Variants in ABCC2 observed in about 807,000 individuals in gnomAD.
ABCC2 encodes the protein ATP-binding cassette sub-family C member 2.
ABCC2 carries 157 observed loss-of-function variants against 173.4 expected under a neutral mutation model. The observed-to-expected ratio is 0.91, with a 90% confidence interval of 0.80 to 1.03. The LOEUF (loss-of-function observed/expected upper bound fraction) is 1.03. ABCC2 is among the 50% of genes least tolerant of loss of function. The pLI is 0.00. For missense variants in ABCC2, 1,822 were observed against 1,852.3 expected, an observed-to-expected ratio of 0.98 and a Z score of 0.30; for synonymous variants, 657 against 693.5, an observed-to-expected ratio of 0.95 and a Z score of 0.83.
At position 99,807,489 on chromosome 10, in the gene ABCC2, G is replaced by A. The variant is rs1479160110; in HGVS notation, c.1636G>A (p.Val546Ile). The A allele has an allele frequency of 6.2e-7, 1 of 1,614,162 alleles. No homozygotes were observed. Among genetic ancestry groups the A allele is most frequent in the Admixed American group, 1.7e-5 (1 of 60,018 alleles). Reference protein sequence around the residue: ...LLAFSQLQCVVIFVFQLTPVL... With the variant: ...LLAFSQLQCVIIFVFQLTPVL... ...GGCCTTTAGTCAACTACAGTGTGTA[G>A]TAATATTCGTCTTCCAGTTAACTCC... Residue 546 changes from valine to isoleucine, a missense_variant, in exon 12 of 32, where the codon GTA becomes ATA. Val to Ile is a conservative substitution (Grantham distance 29). Coordinates refer to ENST00000647814, the MANE Select transcript of ABCC2 (RefSeq NM_000392.5).
At position 99,819,167 on chromosome 10, in the gene ABCC2, G is replaced by C; in HGVS notation, c.2518G>C (p.Val840Leu). ...TGTAGTTCTGGGGAATGGAACAATT[G>C]TAGAGAAAGGATCCTACAGTGCTCT... ...EIVVLGNGTI[V>L]EKGSYSALLA... is the part of the protein sequence containing the mutation. The change falls in exon 19 of 32, where the codon GTA becomes CTA. Residue 840 changes from valine (V) to leucine (L), a missense_variant. By Grantham distance (32) the Val-to-Leu change is conservative. Transcript: ENST00000647814. The C allele has an allele frequency of 6.2e-7, 1 of 1,614,180 alleles. No homozygotes were observed. The highest frequency in any genetic ancestry group is 8.5e-7 in the Non-Finnish European group (1 of 1,180,018).
At chr10:99,834,227 T>G (rs1477998911) in intron 23 of ABCC2, among the ~76,000 whole-genome samples, 153 bp from the exon 24 acceptor site, 2 of 152,184 alleles carry the variant, frequency 1.3e-5, no homozygotes, top group African/African-American at 4.8e-5. Context: ...GGGCAAGCAA[T>G]GCAGCCTATT....
At chr10:99,843,720 C>G in intron 26 of ABCC2, 79 bp from the exon 27 acceptor site, 1 of 1,226,412 alleles carries the variant, frequency 8.2e-7, no homozygotes, top group Non-Finnish European at 1.2e-6. Flanking sequence ...AAAGTCGGCA[C>G]TGGATTGTCC....
At chr10:99,831,884 C>A in intron 22 of ABCC2, 54 bp downstream of exon 22, 1 of 1,613,106 alleles carries the variant, frequency 6.2e-7, no homozygotes, top group Non-Finnish European at 8.5e-7. Context: ...CTGTACTTTT[C>A]CTGGACTCAG....
chr10:99,835,626 T>G (rs377090042), intron 24 of ABCC2, among the ~76,000 whole-genome samples: 102 of 152,104 alleles, frequency 6.7e-4, no homozygotes, highest in African/African-American at 2.0e-3. Context: ...TTGAACAGAT[T>G]CTTCCCTTTT....
chr10:99,787,997 G>A (rs115811736), intron 2 of ABCC2, among the ~76,000 whole-genome samples: 1,562 of 152,076 alleles, frequency 0.01, 27 homozygotes, highest in African/African-American at 0.037. Flanking sequence ...GTTCAAGGAG[G>A]TCAAGGCTGC....
chr10:99,822,046 G>A (rs2038548224), intron 19 of ABCC2, among the ~76,000 whole-genome samples: 1 of 152,046 alleles, frequency 6.6e-6, no homozygotes, highest in South Asian at 2.1e-4. Context: ...TTCTTCCTCA[G>A]GTTTGGCAGG....
intron 12 of ABCC2, 43 bp from the exon 13 acceptor site, chr10:99,808,040 G>A (rs376339043): frequency 6.2e-7 from 1 of 1,609,320 alleles, no homozygotes; most frequent in African/African-American, 1.3e-5. Flanking sequence ...ATGCTGCTTG[G>A]TCCCTTTTAG....
intron 7 of ABCC2, chr10:99,798,127 A>G (rs1480125796): frequency 1.3e-5 from 2 of 152,408 alleles, no homozygotes; most frequent in African/African-American, 4.8e-5. Flanking sequence ...CCAGCGGAAG[A>G]TTTTGAGCAG....
chr10:99,797,172 G>A lies in ABCC2; in HGVS notation c.708G>A (p.Lys236=). 6.2e-7 allele frequency: 1 copy of A among 1,614,150 alleles called. No individual in the cohort carries two copies. Among genetic ancestry groups the A allele is most frequent in the Non-Finnish European group, 8.5e-7 (1 of 1,180,006 alleles). The stretch of plus-strand genomic sequence containing the variant: ...AAGTTGATGAAGAGATGAAAACCAA[G>A]ACATTAGTGAGCAAGTTTGAAACGC... The part of the protein sequence containing the change: ...VWEVDEEMKT[K]TLVSKFETHM... Residue 236 remains lysine, a synonymous_variant, in exon 7 of 32, where the codon AAG becomes AAA. Transcript: ENST00000647814.
In ABCC2 at chr10:99,804,235, A is replaced by G; in HGVS notation, c.1426A>G (p.Ile476Val). ...TGGGGTGATGGTGCTTGTAATCCCA[A>G]TTAATGCGATACTGTCCACCAAGAG... ...GVGVMVLVIP[I>V]NAILSTKSKT... Residue 476 changes from isoleucine (I) to valine (V), a missense_variant, in exon 10 of 32, where the codon ATT becomes GTT. By Grantham distance (29) the Ile-to-Val change is conservative. Coordinates refer to ENST00000647814, the MANE Select transcript of ABCC2 (RefSeq NM_000392.5). 3.7e-6 allele frequency: 6 copies of G among 1,614,126 alleles called. No individual in the cohort carries two copies. The East Asian group carries it at 8.9e-5, about 24-fold the overall frequency.
intron 9 of ABCC2, among the ~76,000 whole-genome samples, chr10:99,803,798 A>T (rs912233321): frequency 3.9e-5 from 6 of 152,282 alleles, no homozygotes; most frequent in East Asian, 1.9e-4. Context: ...AAGTGTGTGG[A>T]TGGGTAGAGT....
Position 99,852,512 on chromosome 10 carries a change from A to C in ABCC2, c.*881A>C, listed in dbSNP as rs1267521759. On this transcript the variant is annotated 3_prime_UTR_variant, in exon 32 of 32. Transcript: ENST00000647814. ...TTATCTGTTGTTTCTGTTGGTTTTT[A>C]CTCATGGTATTTTATTTCCTTGTAT... Among the ~76,000 whole-genome samples, 1 of 151,934 alleles carries C rather than the reference A, an allele frequency of 6.6e-6. No individual in the cohort carries two copies. The highest frequency in any genetic ancestry group is 1.5e-5 in the Non-Finnish European group (1 of 67,978).
chr10:99,842,140 T>C, intron 26 of ABCC2, 47 bp downstream of exon 26: 8 of 1,611,934 alleles, frequency 5.0e-6, no homozygotes, highest in Non-Finnish European at 6.8e-6. Context: ...TGCTTATTCT[T>C]AAATTAAGCC....
intron 25 of ABCC2, among the ~76,000 whole-genome samples, chr10:99,839,150 A>C (rs1274220680): frequency 1.9e-4 from 7 of 37,076 alleles, no homozygotes; most frequent in African/African-American, 3.1e-4. Flanking sequence ...CGACCCCCCC[A>C]CCTCCCTCCC....
intron 16 of ABCC2, among the ~76,000 whole-genome samples, chr10:99,814,509 ATG>A (rs1340837603): frequency 9.7e-6 from 1 of 102,730 alleles, no homozygotes; most frequent in African/African-American, 3.4e-5. Flanking sequence ...ATGTGTGTGT[ATG>A]TGTATATATA....
At chr10:99,802,759 A>G (rs989090606) in intron 9 of ABCC2, among the ~76,000 whole-genome samples, 3 of 152,184 alleles carry the variant, frequency 2.0e-5, no homozygotes, top group African/African-American at 7.2e-5. Flanking sequence ...TCTTCTGGAA[A>G]GATGCAGTCT....
chr10:99,786,513 T>C (rs944116257), intron 2 of ABCC2, among the ~76,000 whole-genome samples: 2 of 152,224 alleles, frequency 1.3e-5, no homozygotes, highest in African/African-American at 4.8e-5. Flanking sequence ...AGCTATTAGT[T>C]AACTCTTTTA....
At chr10:99,805,275 T>G in intron 10 of ABCC2, 107 bp from the exon 11 acceptor site, 1 of 973,840 alleles carries the variant, frequency 1.0e-6, no homozygotes, top group East Asian at 2.5e-5. Context: ...CTCAAGTTCT[T>G]ACTAAGTGAC....
Sources: allele counts gnomAD v4.1 joint callset (sites outside exome capture counted in the v4.1 genomes callset), GRCh38; gene constraint gnomAD v4.1.1; transcripts MANE v1.5; gene names NCBI Gene and HGNC (gene_info 2026-07-23, HGNC 2026-07-21).